The following ROBO1 variants were observed in gnomAD, a reference collection of about 807,000 sequenced individuals.
The protein encoded by ROBO1 is roundabout guidance receptor 1, also known as roundabout homolog 1.
A neutral mutation model predicts 195.9 loss-of-function variants in ROBO1; 149 were observed. The ratio of observed to expected loss-of-function variants is 0.76; its 90% CI spans 0.67 to 0.87. ROBO1 has a LOEUF of 0.87. Ranked by LOEUF, ROBO1 falls within the 40% of genes least tolerant of loss-of-function variation. The pLI, the probability that ROBO1 is intolerant of heterozygous loss-of-function variation, is 0.00. For missense variants in ROBO1, 1,933 were observed against 2,068.3 expected, an observed-to-expected ratio of 0.93 and a Z score of 1.27; for synonymous variants, 816 against 733.2, an observed-to-expected ratio of 1.11 and a Z score of -1.82.
chr3:79,306,871 C>T (rs773427358), intron 2 of ROBO1, among the ~76,000 whole-genome samples: 1 of 152,022 alleles, frequency 6.6e-6, no homozygotes, highest in Non-Finnish European at 1.5e-5. Context: ...GGAATATTTC[C>T]ACATTTGCTT....
intron 3 of ROBO1, among the ~76,000 whole-genome samples, chr3:79,054,483 G>A (rs919905558): frequency 8.5e-5 from 13 of 152,132 alleles, no homozygotes; most frequent in East Asian, 7.8e-4. Flanking sequence ...ACCTGATCAC[G>A]AGGTGTTACC....
chr3:79,402,980 C>T (rs1317762152), intron 2 of ROBO1, among the ~76,000 whole-genome samples: 1 of 151,818 alleles, frequency 6.6e-6, no homozygotes, highest in Non-Finnish European at 1.5e-5. Flanking sequence ...TTCAGTTTAT[C>T]ATAGAGTAGC....
chr3:79,650,574 G>A (rs374431469), intron 1 of ROBO1, among the ~76,000 whole-genome samples: 1 of 151,418 alleles, frequency 6.6e-6, no homozygotes, highest in African/African-American at 2.4e-5. Flanking sequence ...TAAGTTCATT[G>A]AAGTATTGTG....
chr3:78,673,421 G>A (rs1055666656), intron 10 of ROBO1, among the ~76,000 whole-genome samples: 10 of 143,294 alleles, frequency 7.0e-5, no homozygotes, highest in Admixed American at 6.5e-4. Context: ...TACACCACCT[G>A]TTATAAATAT....
chr3:78,982,738 C>T (rs900371892), intron 3 of ROBO1, among the ~76,000 whole-genome samples: 1 of 151,994 alleles, frequency 6.6e-6, no homozygotes, highest in African/African-American at 2.4e-5. Flanking sequence ...AGGAGATTCT[C>T]CTGCCTCAGC....
intron 4 of ROBO1, among the ~76,000 whole-genome samples, chr3:78,819,078 T>C (rs893573869): frequency 2.4e-4 from 37 of 152,130 alleles, no homozygotes; most frequent in African/African-American, 8.9e-4. Context: ...TTGGAACATA[T>C]CGCCCCGTGG....
chr3:79,671,365 C>G (rs556451958), intron 1 of ROBO1, among the ~76,000 whole-genome samples: 1 of 151,882 alleles, frequency 6.6e-6, no homozygotes, highest in South Asian at 2.1e-4. Context: ...CCAGAGAAAA[C>G]AAATAGGTAC....
At chr3:79,642,821 G>T (rs1945706289) in intron 1 of ROBO1, among the ~76,000 whole-genome samples, 1 of 152,120 alleles carries the variant, frequency 6.6e-6, no homozygotes. Context: ...ACATTTTAAG[G>T]TATAAAACCC....
At chr3:79,590,119 A>G (rs1576079125) in intron 1 of ROBO1, among the ~76,000 whole-genome samples, 158 bp from the exon 2 acceptor site, 1 of 151,844 alleles carries the variant, frequency 6.6e-6, no homozygotes, top group Non-Finnish European at 1.5e-5. Flanking sequence ...TTGTATAGAT[A>G]TATTTCATGA....
At chr3:79,705,999 T>A (rs1947758880) in intron 1 of ROBO1, among the ~76,000 whole-genome samples, 1 of 152,140 alleles carries the variant, frequency 6.6e-6, no homozygotes, top group South Asian at 2.1e-4. Flanking sequence ...TTGGCTTTTG[T>A]ATATTAGCCT....
intron 1 of ROBO1, among the ~76,000 whole-genome samples, chr3:79,683,700 A>G (rs186216431): frequency 2.0e-5 from 3 of 152,186 alleles, no homozygotes; most frequent in Admixed American, 2.0e-4. Context: ...GAATTATACA[A>G]TATCTGGCTT....
At chr3:79,182,219 G>C (rs1036126354) in intron 2 of ROBO1, among the ~76,000 whole-genome samples, 3 of 152,096 alleles carry the variant, frequency 2.0e-5, no homozygotes, top group Admixed American at 6.5e-5. Context: ...AGCATCTATA[G>C]CTCTGTCCTT....
At chr3:79,212,140 G>T (rs1016021952) in intron 2 of ROBO1, among the ~76,000 whole-genome samples, 1 of 152,130 alleles carries the variant, frequency 6.6e-6, no homozygotes, top group Non-Finnish European at 1.5e-5. Context: ...GCCCTGGGTG[G>T]GCCAGGTGTT....
At chr3:78,736,562 A>G (rs1239368630) in intron 5 of ROBO1, among the ~76,000 whole-genome samples, 1 of 152,188 alleles carries the variant, frequency 6.6e-6, no homozygotes. Context: ...AGAAAACCAC[A>G]TGCCAAGACT....
chr3:79,157,661 G>A (rs2080882450), intron 2 of ROBO1, among the ~76,000 whole-genome samples: 1 of 151,824 alleles, frequency 6.6e-6, no homozygotes, highest in African/African-American at 2.4e-5. Context: ...TTTTTCCCCA[G>A]AATAATTTGT....
At chr3:78,856,293 G>GAAAA (rs1237662391) in intron 4 of ROBO1, among the ~76,000 whole-genome samples, 1 of 76,598 alleles carries the variant, frequency 1.3e-5, no homozygotes, top group Non-Finnish European at 3.2e-5. Flanking sequence ...GCAAAAAAAA[G>GAAAA]AAAAAAAAAA....
chr3:79,180,615 C>T (rs1466480633), intron 2 of ROBO1, among the ~76,000 whole-genome samples: 1 of 152,142 alleles, frequency 6.6e-6, no homozygotes, highest in Non-Finnish European at 1.5e-5. Flanking sequence ...ACCTATATAC[C>T]ATTTCTCAAG....
At chr3:79,503,410 T>A (rs953606678) in intron 2 of ROBO1, among the ~76,000 whole-genome samples, 5 of 152,160 alleles carry the variant, frequency 3.3e-5, no homozygotes, top group African/African-American at 1.2e-4. Context: ...ACCGCTAGGG[T>A]CTGCGGCTTC....
intron 2 of ROBO1, among the ~76,000 whole-genome samples, chr3:79,433,225 A>G (rs908797896): frequency 6.6e-6 from 1 of 151,678 alleles, no homozygotes; most frequent in Non-Finnish European, 1.5e-5. Flanking sequence ...CCCCCTCCTC[A>G]TGTGTCCATA....
Sources: allele counts gnomAD v4.1 joint callset (sites outside exome capture counted in the v4.1 genomes callset), GRCh38; gene constraint gnomAD v4.1.1; transcripts MANE v1.5; gene names NCBI Gene and HGNC (gene_info 2026-07-23, HGNC 2026-07-21).